C11orf65: variants seen among roughly 807,000 people sequenced by gnomAD.
The protein encoded by C11orf65 is chromosome 11 open reading frame 65, also known as protein MFI.
A neutral mutation model predicts 35.3 loss-of-function variants in C11orf65; 38 were observed. The observed-to-expected ratio is 1.08, with a 90% CI of 0.83 to 1.41. The LOEUF (loss-of-function observed/expected upper bound fraction) is 1.41, where lower values mean the gene tolerates loss of function less well. Ranked by LOEUF, C11orf65 falls within the 40% of genes most tolerant of loss-of-function variation. The pLI is 0.00. For missense variants in C11orf65, 370 were observed against 367.1 expected (o/e 1.01, Z -0.06); for synonymous variants, 105 against 114.4 (o/e 0.92, Z 0.53).
intron 3 of C11orf65, among the ~76,000 whole-genome samples, chr11:108,425,696 G>T (rs1402100806): frequency 6.6e-6 from 1 of 152,056 alleles, no homozygotes; most frequent in African/African-American, 2.4e-5. Flanking sequence ...CACAACAAAA[G>T]AAGAAAATTT....
intron 2 of C11orf65, among the ~76,000 whole-genome samples, chr11:108,339,930 C>T (rs1220025309): frequency 1.3e-5 from 2 of 152,088 alleles, no homozygotes; most frequent in African/African-American, 4.8e-5. Flanking sequence ...GCCATGAGAT[C>T]ATTCATTTGT....
downstream of C11orf65, among the ~76,000 whole-genome samples, chr11:108,328,846 G>A (rs753554239): frequency 6.6e-6 from 1 of 152,204 alleles, no homozygotes; most frequent in Non-Finnish European, 1.5e-5. Context: ...AAGCCGTCCT[G>A]GGCCACATGC....
rs550028519 is a variant in C11orf65, at chr11:108,321,615, T to C, written c.641-12544A>G. On this transcript the variant is annotated intron_variant, in intron 6 of 6. Coordinates refer to the C11orf65 transcript ENST00000525729. ...CTGGCCAACATGGTGAAACCCTATC[T>C]CTACTAAAAATACAAAAATTAGCCA... Among the ~76,000 whole-genome samples, 10 of 152,216 alleles carry C rather than the reference T, an allele frequency of 6.6e-5. 1 individual carries two copies. The South Asian group carries it at 2.1e-3, about 32-fold the overall frequency.
At chr11:108,405,349 T>C in intron 6 of C11orf65, 80 bp downstream of exon 6, 4 of 1,454,650 alleles carry the variant, frequency 2.7e-6, no homozygotes, top group Non-Finnish European at 3.7e-6. Flanking sequence ...TGCCCTCTTG[T>C]GAGGAGCAAT....
chr11:108,358,348 G>A (rs1456980819), intron 2 of C11orf65, among the ~76,000 whole-genome samples: 1 of 143,838 alleles, frequency 7.0e-6, no homozygotes, highest in Non-Finnish European at 1.5e-5. Context: ...TGGGGAGAAT[G>A]GAACCAAGTT....
chr11:108,402,976 C>T (rs1303251220), intron 6 of C11orf65, among the ~76,000 whole-genome samples: 1 of 151,446 alleles, frequency 6.6e-6, no homozygotes, highest in Admixed American at 6.6e-5. Context: ...CTTATCCATT[C>T]ACCTGCTGAT....
At chr11:108,448,188 T>C (rs1472077778) in intron 2 of C11orf65, among the ~76,000 whole-genome samples, 5 of 152,304 alleles carry the variant, frequency 3.3e-5, no homozygotes, top group Middle Eastern at 3.4e-3. Context: ...GATTCACAGC[T>C]GAATTCTACC....
At chr11:108,361,129 C>T (rs2090693441) in intron 2 of C11orf65, among the ~76,000 whole-genome samples, 1 of 135,676 alleles carries the variant, frequency 7.4e-6, no homozygotes, top group Admixed American at 7.9e-5. Flanking sequence ...GTACAAAAAT[C>T]ACAAGCATTC....
intron 3 of C11orf65, among the ~76,000 whole-genome samples, chr11:108,414,711 T>C (rs2092706680): frequency 6.6e-6 from 1 of 152,072 alleles, no homozygotes; most frequent in Non-Finnish European, 1.5e-5. Context: ...CCTAACACAT[T>C]TGATGAGGCC....
At chr11:108,328,033 T>C (rs544257753), downstream of C11orf65, among the ~76,000 whole-genome samples, 2 of 152,288 alleles carry the variant, frequency 1.3e-5, no homozygotes, top group East Asian at 1.9e-4. Flanking sequence ...TTCTGATCAT[T>C]TCTTCATTTA....
At chr11:108,462,555 T>C (rs1180267914) in intron 1 of C11orf65, 1 of 152,210 alleles carries the variant, frequency 6.6e-6, no homozygotes, top group Non-Finnish European at 1.5e-5. Context: ...TACCCTGTTG[T>C]ATGACTTCAA....
At chr11:108,335,153 T>C (rs1244452536) in intron 3 of C11orf65, 3 of 1,612,962 alleles carry the variant, frequency 1.9e-6, no homozygotes, top group Non-Finnish European at 2.5e-6. Flanking sequence ...GTTTTAGTGA[T>C]GAAAATTTTT....
intron 2 of C11orf65, among the ~76,000 whole-genome samples, chr11:108,371,474 A>C (rs1422922423): frequency 6.6e-6 from 1 of 152,172 alleles, no homozygotes; most frequent in Non-Finnish European, 1.5e-5. Flanking sequence ...TTATAAGTAG[A>C]ATCATGCAAT....
chr11:108,412,940 G>T (rs1338257890), intron 3 of C11orf65, among the ~76,000 whole-genome samples: 1 of 152,060 alleles, frequency 6.6e-6, no homozygotes, highest in Non-Finnish European at 1.5e-5. Flanking sequence ...TGATAAAACT[G>T]CAAGAAAAAA....
downstream of C11orf65, among the ~76,000 whole-genome samples, chr11:108,379,442 C>T (rs1348292943): frequency 4.5e-5 from 6 of 132,958 alleles, no homozygotes; most frequent in African/African-American, 1.5e-4. Flanking sequence ...CACATGGACA[C>T]AGGAAGGGGA....
rs893825389 is a variant in C11orf65, at chr11:108,461,361, C to T, written c.81+118G>A. 4.7e-5 allele frequency: 36 copies of T among 760,994 alleles called. No individual in the cohort carries two copies. The Middle Eastern group carries it at 1.5e-3, about 31-fold the overall frequency. The allele number at this position is 760,994 out of a possible 1,614,324, so 47.1% of individuals were successfully genotyped here. On this transcript the variant is annotated intron_variant, in intron 2 of 8. Transcript: ENST00000393084. ...GCTGCAGTGACCCAATATCATGCCA[C>T]TGCACTCCAGCCTAGGCAACAGAGA...
intron 3 of C11orf65, among the ~76,000 whole-genome samples, chr11:108,420,241 A>C (rs1448810248): frequency 3.3e-5 from 5 of 152,218 alleles, no homozygotes; most frequent in African/African-American, 1.2e-4. Context: ...AATTTAGAAG[A>C]ACTAAATAAC....
chr11:108,349,115 G>A (rs2088853972), intron 2 of C11orf65, among the ~76,000 whole-genome samples: 1 of 152,196 alleles, frequency 6.6e-6, no homozygotes, highest in African/African-American at 2.4e-5. Context: ...TGGAAAGGCT[G>A]AGCCAGAAAA....
downstream of C11orf65, among the ~76,000 whole-genome samples, chr11:108,378,138 G>C (rs1435084220): frequency 6.6e-6 from 1 of 152,142 alleles, no homozygotes; most frequent in Non-Finnish European, 1.5e-5. Flanking sequence ...CTACTTTAAA[G>C]TTCATATGGA....
Sources: gnomAD v4.1 joint callset for allele counts (sites outside exome capture counted in the v4.1 genomes callset) on GRCh38, gnomAD v4.1.1 for gene constraint, MANE v1.5 for transcripts, NCBI Gene and HGNC (gene_info 2026-07-23, HGNC 2026-07-21) for gene names.